Variants in FLI1 observed in about 807,000 individuals in gnomAD.
FLI1 encodes the protein Fli-1 proto-oncogene, ETS transcription factor, also known as Friend leukemia integration 1 transcription factor.
In FLI1, 13 loss-of-function variants were observed where a neutral mutation model predicts 53.1. The observed-to-expected ratio is 0.24, with a 90% CI of 0.16 to 0.39. The LOEUF is 0.39. Among genes scored for constraint, FLI1 ranks in the 10% least tolerant of loss-of-function variants. The pLI is 1.00. For missense variants in FLI1, 424 were observed against 600.5 expected, an observed-to-expected ratio of 0.71 and a Z score of 3.07; for synonymous variants, 244 against 236.7, an observed-to-expected ratio of 1.03 and a Z score of -0.28.
intron 8 of FLI1, 24 bp downstream of exon 8, chr11:128,809,228 C>T (rs199654767): frequency 3.1e-6 from 5 of 1,608,826 alleles, no homozygotes; most frequent in Middle Eastern, 1.6e-4. Context: ...GGCCTGCAAG[C>T]CTTTTTTGCC....
At chr11:128,711,060 A>C (rs1418128967) in intron 1 of FLI1, among the ~76,000 whole-genome samples, 4 of 152,216 alleles carry the variant, frequency 2.6e-5, no homozygotes, top group African/African-American at 9.7e-5. Flanking sequence ...TGCACTGTTC[A>C]CTATGGTAGC....
intron 1 of FLI1, among the ~76,000 whole-genome samples, chr11:128,746,481 T>C (rs1020181767): frequency 5.3e-5 from 8 of 152,208 alleles, no homozygotes; most frequent in Admixed American, 3.9e-4. Flanking sequence ...GATCTGAATG[T>C]TCTGACTCCC....
At chr11:128,798,524 C>G (rs1942512264) in intron 5 of FLI1, among the ~76,000 whole-genome samples, 1 of 152,062 alleles carries the variant, frequency 6.6e-6, no homozygotes. Context: ...TTCCCTTTGC[C>G]CATCTAATAT....
chr11:128,700,893 CT>C (rs1019745236), intron 1 of FLI1, among the ~76,000 whole-genome samples: 1 of 152,092 alleles, frequency 6.6e-6, no homozygotes, highest in Non-Finnish European at 1.5e-5. Context: ...TAACTTGGGT[CT>C]TGTAACATGT....
At chr11:128,699,323 T>C (rs1248730922) in intron 1 of FLI1, among the ~76,000 whole-genome samples, 1 of 152,190 alleles carries the variant, frequency 6.6e-6, no homozygotes, top group Admixed American at 6.5e-5. Flanking sequence ...GCCAAAAAAA[T>C]AGAAAGAAAG....
chr11:128,780,248 C>T (rs1162495031), intron 4 of FLI1, among the ~76,000 whole-genome samples: 1 of 152,190 alleles, frequency 6.6e-6, no homozygotes, highest in East Asian at 1.9e-4. Flanking sequence ...CCGTCATCCC[C>T]CTCCTTGTTT....
In FLI1 at chr11:128,805,411, T is replaced by A; in HGVS notation, c.701T>A (p.Met234Lys). 1 of 1,584,280 alleles carries A rather than the reference T, an allele frequency of 6.3e-7. No individual in the cohort carries two copies. The highest frequency in any genetic ancestry group is 1.1e-5 in the South Asian group (1 of 87,070). The change falls in exon 6 of 9, where the codon ATG becomes AAG. Residue 234 changes from methionine to lysine, a missense_variant. Met to Lys is a moderately conservative substitution (Grantham distance 95, BLOSUM62 -1). Transcript: ENST00000527786. ...AGAAGAGGAGCTTGGGGCAATAACATGAATTCTGGCCTCAACAAAAGTAAG... is the reference window on the plus strand; with the variant it reads ...AGAAGAGGAGCTTGGGGCAATAACAAGAATTCTGGCCTCAACAAAAGTAAG... ...SVRRGAWGNN[M>K]NSGLNKSPPL...
At chr11:128,753,346 C>G (rs1291216416) in intron 1 of FLI1, among the ~76,000 whole-genome samples, 1 of 152,222 alleles carries the variant, frequency 6.6e-6, no homozygotes, top group Non-Finnish European at 1.5e-5. Context: ...GGTCTAAAGC[C>G]TCATGGACCC....
At chr11:128,776,569 T>C (rs1292331218) in intron 4 of FLI1, among the ~76,000 whole-genome samples, 1 of 152,136 alleles carries the variant, frequency 6.6e-6, no homozygotes. Flanking sequence ...GAGAGTCGCT[T>C]GAATGCGGGA....
At chr11:128,734,790 G>A (rs1939848265) in intron 1 of FLI1, among the ~76,000 whole-genome samples, 1 of 152,204 alleles carries the variant, frequency 6.6e-6, no homozygotes, top group Non-Finnish European at 1.5e-5. Context: ...CCCCTAATGA[G>A]CCCACTGAAA....
chr11:128,784,341 G>C (rs1565498717), intron 5 of FLI1, among the ~76,000 whole-genome samples: 2 of 148,788 alleles, frequency 1.3e-5, no homozygotes, highest in Admixed American at 6.8e-5. Context: ...TTTGTGTTTA[G>C]GGAGGACATT....
intron 4 of FLI1, among the ~76,000 whole-genome samples, chr11:128,773,833 G>GTGC (rs1941649233): frequency 6.6e-6 from 1 of 151,800 alleles, no homozygotes. Flanking sequence ...TGAAAAGATG[G>GTGC]TGCTAGGATC....
At chr11:128,706,118 T>C (rs1938537494) in intron 1 of FLI1, among the ~76,000 whole-genome samples, 2 of 152,178 alleles carry the variant, frequency 1.3e-5, no homozygotes, top group South Asian at 2.1e-4. Flanking sequence ...GTTTAACCTT[T>C]TGTTACCTGA....
At chr11:128,752,690 C>T (rs1940699384) in intron 1 of FLI1, among the ~76,000 whole-genome samples, 2 of 152,170 alleles carry the variant, frequency 1.3e-5, no homozygotes, top group Non-Finnish European at 2.9e-5. Flanking sequence ...TCTGAATTTC[C>T]ATTTTCTCAT....
At chr11:128,771,081 C>A (rs993886340) in intron 3 of FLI1, among the ~76,000 whole-genome samples, 1 of 152,188 alleles carries the variant, frequency 6.6e-6, no homozygotes, top group Non-Finnish European at 1.5e-5. Context: ...GGGCTTTGGG[C>A]AAAGGACTTA....
intron 8 of FLI1, among the ~76,000 whole-genome samples, chr11:128,809,438 A>G (rs1220832539): frequency 6.6e-6 from 1 of 152,236 alleles, no homozygotes; most frequent in Non-Finnish European, 1.5e-5. Context: ...TCAGCACTGC[A>G]CATGTGCACT....
At chr11:128,758,575 C>A (rs619225) in intron 2 of FLI1, among the ~76,000 whole-genome samples, 2 of 152,220 alleles carry the variant, frequency 1.3e-5, no homozygotes, top group Non-Finnish European at 2.9e-5. Context: ...GGAGTCAGGC[C>A]CCAAGCGCCT....
chr11:128,757,080 C>CTTTA (rs1047616430), intron 1 of FLI1, among the ~76,000 whole-genome samples: 5 of 146,026 alleles, frequency 3.4e-5, no homozygotes, highest in African/African-American at 1.3e-4. Flanking sequence ...TTCTTTCTTT[C>CTTTA]TTTCTTTCTT....
chr11:128,758,082 A>G (rs911932629), intron 1 of FLI1, 33 bp from the exon 2 acceptor site: 4 of 1,577,780 alleles, frequency 2.5e-6, no homozygotes, highest in Non-Finnish European at 3.5e-6. Flanking sequence ...GAAGAGTGAC[A>G]CTGGGCTTTC....
Sources: gnomAD v4.1 joint callset for allele counts (sites outside exome capture counted in the v4.1 genomes callset) on GRCh38, gnomAD v4.1.1 for gene constraint, MANE v1.5 for transcripts, NCBI Gene and HGNC (gene_info 2026-07-23, HGNC 2026-07-21) for gene names.